The following CEP104 variants were observed in gnomAD, a reference collection of about 807,000 sequenced individuals.
CEP104 encodes centrosomal protein 104.
In CEP104, 84 loss-of-function variants were observed where a neutral mutation model predicts 113.3. That is an observed-to-expected ratio of 0.74 (90% confidence interval 0.62 to 0.89). The LOEUF (loss-of-function observed/expected upper bound fraction) is 0.89. Among genes scored for constraint, CEP104 ranks in the 40% least tolerant of loss-of-function variants. The pLI is 0.00. For missense variants in CEP104, 1,053 were observed against 1,156.6 expected, an observed-to-expected ratio of 0.91 and a Z score of 1.30; for synonymous variants, 378 against 421.7, an observed-to-expected ratio of 0.90 and a Z score of 1.27.
At chr1:3,824,623 C>T (rs1016627545) in intron 18 of CEP104, among the ~76,000 whole-genome samples, 6 of 152,300 alleles carry the variant, frequency 3.9e-5, no homozygotes, top group East Asian at 1.9e-4. Flanking sequence ...GTATAAAGAA[C>T]GGCCCCAAAT....
rs141735025 is a variant in CEP104, at chr1:3,836,184, T to C, written c.1317+311A>G. On this transcript the variant is annotated intron_variant, in intron 10 of 21. Coordinates refer to ENST00000378230, the MANE Select transcript of CEP104 (RefSeq NM_014704.4). ...AGCCAGGCGTGGTGGCGGGCACCTG[T>C]AGTCTCAGCTACTCAGGAGGCTGAG... is the stretch of plus-strand genomic sequence containing the variant. Among the ~76,000 whole-genome samples the C allele has an allele frequency of 5.7e-4, 86 of 151,906 alleles. 6 individuals are homozygous for C. The East Asian group carries it at 0.017, about 29-fold the overall frequency.
intron 2 of CEP104, among the ~76,000 whole-genome samples, chr1:3,849,107 G>T (rs61768932): frequency 6.6e-6 from 1 of 151,828 alleles, no homozygotes; most frequent in Non-Finnish European, 1.5e-5. Flanking sequence ...GGCACTAGTG[G>T]GCAGGACGGA....
intron 1 of CEP104, among the ~76,000 whole-genome samples, 199 bp from the exon 2 acceptor site, chr1:3,852,620 T>C (rs1405897414): frequency 6.6e-6 from 1 of 152,234 alleles, no homozygotes; most frequent in East Asian, 1.9e-4. Flanking sequence ...AAGATATCAT[T>C]TAAGTTATCT....
chr1:3,843,118 C>T (rs1644441854), intron 6 of CEP104: 3 of 628,468 alleles, frequency 4.8e-6, no homozygotes, highest in African/African-American at 3.9e-5. Context: ...CTTTTTTTCT[C>T]ACTGCGGCAA....
chr1:3,844,680 A>G (rs1470455730), intron 6 of CEP104, among the ~76,000 whole-genome samples: 1 of 65,934 alleles, frequency 1.5e-5, no homozygotes, highest in Non-Finnish European at 3.1e-5. Context: ...CCTGGGCAGC[A>G]AGAGTGAAAT....
At chr1:3,852,143 G>A in intron 2 of CEP104, 152 bp downstream of exon 2, 1 of 645,528 alleles carries the variant, frequency 1.5e-6, no homozygotes, top group East Asian at 2.9e-5. Flanking sequence ...AATATAAACA[G>A]AAAGAGATGC....
Position 3,838,966 on chromosome 1 carries a change from G to C in CEP104, c.889C>G (p.Leu297Val), listed in dbSNP as rs367663723. The C allele has an allele frequency of 7.0e-5, 113 of 1,613,874 alleles. No homozygotes were observed. The highest frequency in any genetic ancestry group is 9.3e-5 in the Non-Finnish European group (110 of 1,180,006). Reference sequence around the variant, plus strand: ...TCCGTCTGGGCTCCTGCACCCACCAGCTCGGCATCCAGGAGGCTGTGCAGC... The same window carrying C: ...TCCGTCTGGGCTCCTGCACCCACCACCTCGGCATCCAGGAGGCTGTGCAGC... The part of the protein sequence containing the change: ...LELHSLLDAE[L>V]MRRPFDLPLQ... The change falls in exon 8 of 22, where the codon CTG becomes GTG. Residue 297 changes from leucine (L) to valine (V), a missense_variant and splice_region_variant. Leu to Val is a conservative substitution (Grantham distance 32). Coordinates refer to ENST00000378230, the MANE Select transcript of CEP104 (RefSeq NM_014704.4).
chr1:3,850,860 A>C (rs769393518), intron 2 of CEP104, among the ~76,000 whole-genome samples: 3 of 152,212 alleles, frequency 2.0e-5, no homozygotes, highest in Non-Finnish European at 4.4e-5. Flanking sequence ...AGAGAACCAT[A>C]CTGGTGTGAT....
intron 20 of CEP104, among the ~76,000 whole-genome samples, chr1:3,817,112 C>A (rs1643891997): frequency 6.6e-6 from 1 of 152,176 alleles, no homozygotes; most frequent in African/African-American, 2.4e-5. Flanking sequence ...GGGTGGATCA[C>A]CTGAGGTCAG....
intron 7 of CEP104, 103 bp from the exon 8 acceptor site, chr1:3,839,222 G>C (rs1644370091): frequency 2.0e-6 from 2 of 1,023,808 alleles, no homozygotes; most frequent in Admixed American, 3.6e-5. Context: ...TGCAAGGAGA[G>C]GGAGTGAGCA....
At position 3,837,361 on chromosome 1, in the gene CEP104, T is replaced by TA; in HGVS notation, c.1049dup (p.Thr351AsnfsTer31). ...CTGCAGAATGCTGAGGAGAAATAGT[T>TA]AGAGAATATGATGAAGGCTTTTCCT... is the stretch of plus-strand genomic sequence containing the variant. On this transcript the variant is annotated frameshift_variant, in exon 9 of 22. Transcript: ENST00000378230. LOFTEE classifies it high-confidence loss of function. 6.2e-7 allele frequency: 1 copy of TA among 1,614,106 alleles called. No homozygotes were observed. Among genetic ancestry groups the TA allele is most frequent in the Non-Finnish European group, 8.5e-7 (1 of 1,179,998 alleles).
At chr1:3,853,495 C>G (rs1644655952) in intron 1 of CEP104, among the ~76,000 whole-genome samples, 1 of 152,134 alleles carries the variant, frequency 6.6e-6, no homozygotes, top group African/African-American at 2.4e-5. Context: ...TTGAAATTCC[C>G]AATAGGAGGT....
chr1:3,848,581 A>G, intron 3 of CEP104, 27 bp downstream of exon 3: 3 of 1,577,016 alleles, frequency 1.9e-6, no homozygotes, highest in Non-Finnish European at 2.6e-6. Flanking sequence ...AAAAGCTGCC[A>G]TGATACATTT....
Position 3,823,595 on chromosome 1 carries a change from C to T in CEP104, c.2365-33G>A, listed in dbSNP as rs1406488931. On this transcript the variant is annotated intron_variant, in intron 18 of 21. Coordinates refer to ENST00000378230, the MANE Select transcript of CEP104 (RefSeq NM_014704.4). The surrounding 1 kb of genome is among the most constrained non-coding windows in gnomAD (Gnocchi z 4.1). ...TCGAAATACAGAGCAAAGCATGTTG[C>T]TGAGAAAGCGGCAGCGCCCTCCAGC... The T allele has an allele frequency of 2.5e-6, 4 of 1,613,592 alleles. No homozygotes were observed. Among genetic ancestry groups the T allele is most frequent in the Non-Finnish European group, 3.4e-6 (4 of 1,179,826 alleles).
At chr1:3,852,699 G>A (rs1644637755) in intron 1 of CEP104, among the ~76,000 whole-genome samples, 3 of 152,198 alleles carry the variant, frequency 2.0e-5, no homozygotes, top group South Asian at 2.1e-4. Context: ...AAAAGGATAC[G>A]CTGAAGTTCC....
intron 6 of CEP104, chr1:3,843,294 A>G: frequency 1.5e-6 from 1 of 684,622 alleles, no homozygotes; most frequent in Non-Finnish European, 2.7e-6. Context: ...TAGCTCCCCA[A>G]AAGTGGATTC....
chr1:3,847,817 A>T, intron 3 of CEP104: 1 of 564,556 alleles, frequency 1.8e-6, no homozygotes, highest in Non-Finnish European at 3.1e-6. Context: ...CTCAAATTCT[A>T]ATTAGTATTC....
In CEP104 at chr1:3,836,672, A is replaced by G; in HGVS notation, c.1140T>C (p.Asp380=). The G allele has an allele frequency of 6.2e-7, 1 of 1,613,590 alleles. No homozygotes were observed. The highest frequency in any genetic ancestry group is 8.5e-7 in the Non-Finnish European group (1 of 1,179,978). The part of the protein sequence containing the change: ...PKINAESLPY[D]ERPLPAIRKH... ...TACGAATAGCTGGAAGAGGCCGCTC[A>G]TCGTAGGGCAGGGACTCTGCCTGCA... Residue 380 remains aspartate (D), a synonymous_variant, in exon 10 of 22, where the codon GAT becomes GAC. Transcript: ENST00000378230.
rs1201719904 is a variant in CEP104 at position 3,844,737 on chromosome 1, A to C, written c.566+170T>G. ...AAAAATAAATGCAGGTGTGCTAAAT[A>C]AAACAGCGACCTTAATCTTTATGTA... On this transcript the variant is annotated intron_variant, in intron 6 of 21. Transcript: ENST00000378230. Among the ~76,000 whole-genome samples, 7 of 148,326 alleles carry C rather than the reference A, an allele frequency of 4.7e-5. No individual in the cohort carries two copies. The Admixed American group carries it at 4.8e-4, about 10-fold the overall frequency.
Sources: allele counts gnomAD v4.1 joint callset (sites outside exome capture counted in the v4.1 genomes callset), GRCh38; gene constraint gnomAD v4.1.1; non-coding constraint Gnocchi (gnomAD v3.1); transcripts MANE v1.5; gene names NCBI Gene and HGNC (gene_info 2026-07-23, HGNC 2026-07-21).